The following AFAP1L2 variants were observed in gnomAD, a reference collection of about 807,000 sequenced individuals.
The protein encoded by AFAP1L2 is actin filament-associated protein 1-like 2.
In AFAP1L2, 46 loss-of-function variants were observed where a neutral mutation model predicts 99.3. The observed-to-expected ratio is 0.46, with a 90% CI of 0.37 to 0.59. The LOEUF (loss-of-function observed/expected upper bound fraction) is 0.59, where lower values mean the gene tolerates loss of function less well. Ranked by LOEUF, AFAP1L2 falls within the 20% of genes least tolerant of loss-of-function variation. The pLI, the probability that AFAP1L2 is intolerant of heterozygous loss-of-function variation, is 0.00. For missense variants in AFAP1L2, 959 were observed against 1,034.9 expected (o/e 0.93, Z 1.01); for synonymous variants, 397 against 419.1 (o/e 0.95, Z 0.64).
intron 7 of AFAP1L2, among the ~76,000 whole-genome samples, chr10:114,311,104 G>C (rs912077779): frequency 7.9e-5 from 12 of 152,162 alleles, no homozygotes; most frequent in African/African-American, 2.7e-4. Flanking sequence ...AGAGGCTATG[G>C]GGCAGGGGGT....
At chr10:114,345,279 T>C (rs1010210201) in intron 1 of AFAP1L2, among the ~76,000 whole-genome samples, 1 of 151,342 alleles carries the variant, frequency 6.6e-6, no homozygotes, top group Non-Finnish European at 1.5e-5. Context: ...GAACTGTGGA[T>C]TGGGGGTGAT....
chr10:114,405,052 G>T (rs2058587133), upstream of AFAP1L2, among the ~76,000 whole-genome samples: 1 of 152,206 alleles, frequency 6.6e-6, no homozygotes, highest in African/African-American at 2.4e-5. Context: ...GGGTTCTTTG[G>T]GGATTGCTCC....
At chr10:114,332,083 C>T (rs2047324392) in intron 3 of AFAP1L2, among the ~76,000 whole-genome samples, 186 bp from the exon 4 acceptor site, 1 of 152,130 alleles carries the variant, frequency 6.6e-6, no homozygotes, top group Admixed American at 6.5e-5. Flanking sequence ...TGCAGGAGTG[C>T]CCCAGACATG....
At position 114,314,038 on chromosome 10, in the gene AFAP1L2, AG is replaced by A. The variant is rs2043703432; in HGVS notation, c.624del (p.Ser209ProfsTer10). ...IKDNRLLCYK[S>X]SKDHSPQLDV... ...TCCAGCTGAGGGCTGTGGTCCTTGGAGGATTTGTAGCACTGGAAGGAAAGAG... is the reference window on the plus strand; with the variant it reads ...TCCAGCTGAGGGCTGTGGTCCTTGGAGATTTGTAGCACTGGAAGGAAAGAG... On this transcript the variant is annotated frameshift_variant, in exon 7 of 19. Transcript: ENST00000304129. LOFTEE classifies it high-confidence loss of function. 1 of 1,610,162 alleles carries A rather than the reference AG, an allele frequency of 6.2e-7. No homozygotes were observed. Among genetic ancestry groups the A allele is most frequent in the Non-Finnish European group, 8.5e-7 (1 of 1,176,962 alleles).
chr10:114,289,069 ACAC>A, the AFAP1L2 span: 1 of 1,614,140 alleles, frequency 6.2e-7, no homozygotes, highest in Non-Finnish European at 8.5e-7. Context: ...CCCTGACGTG[ACAC>A]AGGTCGGCCT....
At chr10:114,320,829 C>T (rs574271822) in intron 5 of AFAP1L2, among the ~76,000 whole-genome samples, 70 of 152,344 alleles carry the variant, frequency 4.6e-4, no homozygotes, top group African/African-American at 1.7e-3. Context: ...GGGAAGTGCT[C>T]ACTGCGGTGA....
At chr10:114,389,359 T>C (rs1373801992) in intron 1 of AFAP1L2, among the ~76,000 whole-genome samples, 3 of 151,902 alleles carry the variant, frequency 2.0e-5, no homozygotes, top group Non-Finnish European at 4.4e-5. Context: ...CAACCCAGGG[T>C]GGGAAGTGGG....
chr10:114,354,538 T>C (rs1297989150), intron 1 of AFAP1L2, among the ~76,000 whole-genome samples: 1 of 152,156 alleles, frequency 6.6e-6, no homozygotes, highest in Non-Finnish European at 1.5e-5. Context: ...ACCTAAGCCA[T>C]AGGAGAAGGG....
chr10:114,295,523 T>TA lies in AFAP1L2; in HGVS notation c.*518dup, dbSNP rs112535868. ...TTTTACAGATGATGTCAATGCTGTT[T>TA]AAAATCACTGAAGACTGAGTTGGGC... On this transcript the variant is annotated 3_prime_UTR_variant, in exon 19 of 19. Transcript: ENST00000304129. 1.7e-3 allele frequency: 1,644 copies of TA among 985,630 alleles called. 13 individuals are homozygous for TA. The African/African-American group carries it at 0.026, about 16-fold the overall frequency. The allele number at this position is 985,630 out of a possible 1,614,324, so 61.1% of individuals were successfully genotyped here.
At chr10:114,313,579 T>C (rs2134651543) in intron 7 of AFAP1L2, among the ~76,000 whole-genome samples, 1 of 152,254 alleles carries the variant, frequency 6.6e-6, no homozygotes, top group East Asian at 1.9e-4. Flanking sequence ...ACGTGGCAAA[T>C]GGCAGCGACA....
intron 1 of AFAP1L2, among the ~76,000 whole-genome samples, chr10:114,345,028 CG>C (rs544573218): frequency 2.4e-4 from 35 of 146,660 alleles, no homozygotes; most frequent in Non-Finnish European, 4.6e-4. Flanking sequence ...ACCTGAGAGA[CG>C]GAGGTTGCAG....
intron 7 of AFAP1L2, 113 bp downstream of exon 7, chr10:114,313,758 G>T: frequency 8.7e-7 from 1 of 1,147,778 alleles, no homozygotes; most frequent in Non-Finnish European, 1.2e-6. Flanking sequence ...AGGAAGCCCT[G>T]CAAACTTGAA....
chr10:114,284,868 T>A, the AFAP1L2 span: 1 of 1,607,794 alleles, frequency 6.2e-7, no homozygotes, highest in Non-Finnish European at 8.5e-7. Flanking sequence ...GATAGGCCCC[T>A]GTGACTCGCA....
In AFAP1L2 at chr10:114,295,016, TAAAAAAAAAAA is replaced by T. The variant is rs10627231; in HGVS notation, c.*1015_*1025del. On this transcript the variant is annotated 3_prime_UTR_variant, in exon 19 of 19. Coordinates refer to ENST00000304129, the MANE Select transcript of AFAP1L2 (RefSeq NM_001001936.3). The stretch of plus-strand genomic sequence containing the variant: ...ATAGATGAAATGTTTCAACCTGTGT[TAAAAAAAAAAA>T]AAAAAAAATGCCATCAGAGGAAAAG... 6.8e-6 allele frequency: 6 copies of T among 884,460 alleles called. No homozygotes were observed. The highest frequency in any genetic ancestry group is 7.3e-5 in the Admixed American group (1 of 13,630). The allele number at this position is 884,460 out of a possible 1,614,324, so 54.8% of individuals were successfully genotyped here. A position where few individuals can be genotyped will look rare whatever the true frequency, so the allele number is the denominator to read the frequency against.
At chr10:114,360,521 A>G (rs371726313) in intron 1 of AFAP1L2, among the ~76,000 whole-genome samples, 1 of 145,802 alleles carries the variant, frequency 6.9e-6, no homozygotes, top group Non-Finnish European at 1.5e-5. Context: ...AGATAGATAG[A>G]TAGATAGATA....
chr10:114,318,433 G>GA lies in AFAP1L2; in HGVS notation c.407-2669dup, dbSNP rs2044491283. On this transcript the variant is annotated intron_variant, in intron 5 of 18. Transcript: ENST00000304129. ...ATCATCAACAGGACTAGGTATGAAA[G>GA]AAAAAACATTGAGAAAAAAAAGAGG... Among the ~76,000 whole-genome samples the GA allele has an allele frequency of 2.6e-5, 4 of 151,874 alleles. No individual in the cohort carries two copies. In the South Asian group the frequency reaches 8.3e-4, roughly 32 times the overall value.
chr10:114,316,905 C>T (rs1307591019), intron 5 of AFAP1L2, among the ~76,000 whole-genome samples: 1 of 152,196 alleles, frequency 6.6e-6, no homozygotes, highest in Non-Finnish European at 1.5e-5. Context: ...TCACTATCTC[C>T]TGATCCCTGG....
At chr10:114,325,855 G>A in intron 4 of AFAP1L2, 1 of 1,275,352 alleles carries the variant, frequency 7.8e-7, no homozygotes, top group South Asian at 1.2e-5. Flanking sequence ...AGGCTCCCTA[G>A]GGTCCACAGG....
At chr10:114,288,084 CA>C in the AFAP1L2 span, among the ~76,000 whole-genome samples, 2 of 152,140 alleles carry the variant, frequency 1.3e-5, no homozygotes, top group African/African-American at 4.8e-5. Context: ...GAATAAAACC[CA>C]AACTCCTTCC....
Sources: allele counts gnomAD v4.1 joint callset (sites outside exome capture counted in the v4.1 genomes callset), GRCh38; gene constraint gnomAD v4.1.1; transcripts MANE v1.5; gene names NCBI Gene and HGNC (gene_info 2026-07-23, HGNC 2026-07-21).